Variants in ITGA7 observed in about 807,000 individuals in gnomAD.
The protein encoded by ITGA7 is integrin subunit alpha 7, also known as integrin alpha-7.
ITGA7 carries 84 observed loss-of-function variants against 131.6 expected under a neutral mutation model. The ratio of observed to expected loss-of-function variants is 0.64; its 90% CI spans 0.54 to 0.77. ITGA7 has a LOEUF of 0.77. Ranked by LOEUF, ITGA7 falls within the 30% of genes least tolerant of loss-of-function variation. ITGA7 has a pLI of 0.00. For missense variants in ITGA7, 1,399 were observed against 1,482.9 expected, an observed-to-expected ratio of 0.94 and a Z score of 0.93; for synonymous variants, 548 against 600.7, an observed-to-expected ratio of 0.91 and a Z score of 1.28.
intron 24 of ITGA7, chr12:55,686,368 G>A: frequency 7.5e-6 from 8 of 1,064,898 alleles, no homozygotes; most frequent in Non-Finnish European, 1.0e-5. Flanking sequence ...GAAAGATTGA[G>A]GAAGGACAGG....
Position 55,694,143 on chromosome 12 carries a change from A to G in ITGA7, c.2433-20T>C. The G allele has an allele frequency of 6.2e-7, 1 of 1,613,344 alleles. No homozygotes were observed. On this transcript the variant is annotated intron_variant, in intron 18 of 24. Coordinates refer to ENST00000257879, the MANE Select transcript of ITGA7 (RefSeq NM_002206.3). The surrounding 1 kb of genome is among the most constrained non-coding windows in gnomAD (Gnocchi z 5.3). Reference sequence around the variant, plus strand: ...GCCATTCTGGCGTGGAGAGGTCAGAACAGGGGTGAGAAGGTCTGGGGCCTG... The same window carrying G: ...GCCATTCTGGCGTGGAGAGGTCAGAGCAGGGGTGAGAAGGTCTGGGGCCTG...
chr12:55,702,834 C>CA (rs751229067), intron 3 of ITGA7, 38 bp downstream of exon 3: 2 of 1,552,992 alleles, frequency 1.3e-6, no homozygotes, highest in Non-Finnish European at 8.9e-7. Context: ...CACACACACA[C>CA]CCCATCCGTG....
rs1873236809 is a variant in ITGA7, at chr12:55,698,739, T to C, written c.969A>G (p.Ser323=). Residue 323 remains serine, a synonymous_variant, in exon 6 of 25, where the codon TCA becomes TCG. Transcript: ENST00000257879. ...CACTGTTGAGGTCAGCCACAGCCAG[T>C]GAGTAGCCAAAGCCGGAGGTCAGGC... The part of the protein sequence containing the change: ...GERLTSGFGY[S]LAVADLNSDG... The C allele has an allele frequency of 6.2e-7, 1 of 1,613,860 alleles. No homozygotes were observed. The highest frequency in any genetic ancestry group is 1.3e-5 in the African/African-American group (1 of 74,854).
Position 55,696,268 on chromosome 12 carries a change from A to G in ITGA7, c.1887+15T>C. ...CCAGCTCCTCCCCCTGGGCTAAACCAGAACCCATGCTCACCTCTGCCCGCT... is the reference window on the plus strand; with the variant it reads ...CCAGCTCCTCCCCCTGGGCTAAACCGGAACCCATGCTCACCTCTGCCCGCT... On this transcript the variant is annotated intron_variant, in intron 13 of 24. Transcript: ENST00000257879. 6.4e-7 allele frequency: 1 copy of G among 1,560,410 alleles called. No individual in the cohort carries two copies. Among genetic ancestry groups the G allele is most frequent in the Non-Finnish European group, 8.7e-7 (1 of 1,153,258 alleles).
intron 3 of ITGA7, among the ~76,000 whole-genome samples, chr12:55,702,065 G>C (rs1874153465): frequency 6.6e-6 from 1 of 152,198 alleles, no homozygotes; most frequent in African/African-American, 2.4e-5. Context: ...TCCCAGGCTA[G>C]GGTACAATGG....
chr12:55,699,312 G>A (rs1046578583), intron 5 of ITGA7, among the ~76,000 whole-genome samples: 1 of 152,126 alleles, frequency 6.6e-6, no homozygotes, highest in Non-Finnish European at 1.5e-5. Context: ...AAGAGCTAGA[G>A]GTCCCTCTCA....
At position 55,696,401 on chromosome 12, in the gene ITGA7, A is replaced by AC; in HGVS notation, c.1768dup (p.Val590GlyfsTer50). On this transcript the variant is annotated frameshift_variant, in exon 13 of 25. Transcript: ENST00000257879. LOFTEE classifies it high-confidence loss of function. ...CTGGAGACTGTAGGACAAGGTCACT[A>AC]CAATGGCCCGAAGCTTGTCTTTGAC... 6.2e-7 allele frequency: 1 copy of AC among 1,601,460 alleles called. No homozygotes were observed. Among genetic ancestry groups the AC allele is most frequent in the Non-Finnish European group, 8.5e-7 (1 of 1,172,920 alleles).
At position 55,700,321 on chromosome 12, in the gene ITGA7, G is replaced by C. The variant is rs776189266; in HGVS notation, c.671-332C>G. 6 of 1,610,274 alleles carry C rather than the reference G, an allele frequency of 3.7e-6. No homozygotes were observed. In the South Asian group the frequency reaches 6.6e-5, roughly 18 times the overall value. Reference sequence around the variant, plus strand: ...GGGGTCCTGCTCCTTCTCTCCCCCCGCCTCGTAGGGACCGTCGTCCAGGTG... The same window carrying C: ...GGGGTCCTGCTCCTTCTCTCCCCCCCCCTCGTAGGGACCGTCGTCCAGGTG... On this transcript the variant is annotated intron_variant, in intron 4 of 24. Transcript: ENST00000257879.
At position 55,692,956 on chromosome 12, in the gene ITGA7, C is replaced by T; in HGVS notation, c.2732G>A (p.Arg911Lys). Residue 911 changes from arginine (R) to lysine (K), a missense_variant, in exon 21 of 25, where the codon AGG becomes AAG. Arg to Lys is a conservative substitution (Grantham distance 26, BLOSUM62 2). Transcript: ENST00000257879. ...ILHLDVDSRD[R>K]RRRELEPPEQ... ...AGGTGGCTCCAGCTCCCGCCGCCTC[C>T]TATCCCTACTGTCCACATCCTGGAC... 4.3e-6 allele frequency: 7 copies of T among 1,614,064 alleles called. No individual in the cohort carries two copies. The highest frequency in any genetic ancestry group is 5.9e-6 in the Non-Finnish European group (7 of 1,180,038).
chr12:55,700,353 G>A, intron 4 of ITGA7: 1 of 1,610,554 alleles, frequency 6.2e-7, no homozygotes, highest in Non-Finnish European at 8.5e-7. Flanking sequence ...GGTGTGCCAG[G>A]TCCGCTGAGC....
intron 3 of ITGA7, 121 bp from the exon 4 acceptor site, chr12:55,701,275 A>G: frequency 3.2e-6 from 5 of 1,569,654 alleles, no homozygotes; most frequent in Non-Finnish European, 4.4e-6. Context: ...GCACATGCAC[A>G]TGCACACATA....
chr12:55,700,223 G>A, intron 4 of ITGA7: 1 of 1,576,134 alleles, frequency 6.3e-7, no homozygotes, highest in Non-Finnish European at 8.6e-7. Context: ...GAGAGGAGCA[G>A]AGGGTTAGAG....
chr12:55,701,485 C>A, intron 3 of ITGA7: 1 of 1,499,910 alleles, frequency 6.7e-7, no homozygotes, highest in Non-Finnish European at 9.1e-7. Context: ...ATGTCACAGT[C>A]CTCCAAAATG....
At chr12:55,699,226 G>T (rs1314484347) in intron 5 of ITGA7, among the ~76,000 whole-genome samples, 1 of 152,194 alleles carries the variant, frequency 6.6e-6, no homozygotes, top group Non-Finnish European at 1.5e-5. Flanking sequence ...AGAGAAAGGT[G>T]ATGGCTGAGA....
In ITGA7 at chr12:55,696,319, G is replaced by A; in HGVS notation, c.1851C>T (p.Ile617=). ...GGGTGCTGGGCTGGTGGGCATTGAG[G>A]ATGGGGGCCACTGGAGGCAGCCCCT... ...PGQGLPPVAP[I]LNAHQPSTQR... The change falls in exon 13 of 25, where the codon ATC becomes ATT. Residue 617 remains isoleucine (I), a synonymous_variant. Coordinates refer to ENST00000257879, the MANE Select transcript of ITGA7 (RefSeq NM_002206.3). The A allele has an allele frequency of 6.3e-7, 1 of 1,582,460 alleles. No individual in the cohort carries two copies. The highest frequency in any genetic ancestry group is 8.6e-7 in the Non-Finnish European group (1 of 1,163,286).
chr12:55,712,874 G>A (rs80262739), upstream of ITGA7, among the ~76,000 whole-genome samples: 13,708 of 152,186 alleles, frequency 0.09, 874 homozygotes, highest in African/African-American at 0.18. Flanking sequence ...GGGAGAGAAG[G>A]GAGAGGCTAA....
At chr12:55,708,067 C>G (rs180850265), upstream of ITGA7, 849 of 978,464 alleles carry the variant, frequency 8.7e-4, 1 homozygote, top group Admixed American at 1.2e-3. Flanking sequence ...ACCACGCCCC[C>G]CAAGCCCAGC....
Position 55,694,794 on chromosome 12 carries a change from C to G in ITGA7, c.2180G>C (p.Arg727Pro). The stretch of plus-strand genomic sequence containing the variant: ...GGTCCTCACCGCAGGGTCCAGGGCC[C>G]GGACCCCTGAGTAGTGCAGTGAGTC... ...LPDSLHYSGV[R>P]ALDPAEKPLC... The change falls in exon 15 of 25, where the codon CGG (arginine) becomes CCG (proline). Residue 727 changes from arginine to proline, a missense_variant. Coordinates refer to ENST00000257879, the MANE Select transcript of ITGA7 (RefSeq NM_002206.3). The surrounding 1 kb of genome is among the most constrained non-coding windows in gnomAD (Gnocchi z 5.3). The G allele has an allele frequency of 6.2e-7, 1 of 1,613,986 alleles. No homozygotes were observed.
chr12:55,684,765 G>C lies in ITGA7; in HGVS notation c.*293C>G. 1 of 421,876 alleles carries C rather than the reference G, an allele frequency of 2.4e-6. No homozygotes were observed. Among genetic ancestry groups the C allele is most frequent in the East Asian group, 3.8e-5 (1 of 26,268 alleles). 26.1% of individuals were successfully genotyped at this position (421,876 alleles called of 1,614,324 possible). On this transcript the variant is annotated 3_prime_UTR_variant, in exon 25 of 25. Transcript: ENST00000257879. ...GGGGTCCTGTTACACAGGGTGAATG[G>C]GAGAGGAAGGGATTAGGATCCCTTC...
Sources: allele counts gnomAD v4.1 joint callset (sites outside exome capture counted in the v4.1 genomes callset), GRCh38; gene constraint gnomAD v4.1.1; non-coding constraint Gnocchi (gnomAD v3.1); transcripts MANE v1.5; gene names NCBI Gene and HGNC (gene_info 2026-07-23, HGNC 2026-07-21).